Variants in MKI67 observed in about 807,000 individuals in gnomAD.
MKI67 encodes proliferation marker protein Ki-67.
MKI67 carries 152 observed loss-of-function variants against 233.5 expected under a neutral mutation model. That is an observed-to-expected ratio of 0.65 (90% CI 0.57 to 0.74). The LOEUF (loss-of-function observed/expected upper bound fraction) is 0.74, where lower values mean the gene tolerates loss of function less well. Ranked by LOEUF, MKI67 falls within the 30% of genes least tolerant of loss-of-function variation. The pLI, the probability that MKI67 is intolerant of heterozygous loss-of-function variation, is 0.00. For synonymous variants in MKI67, 1,465 were observed against 1,418.5 expected (o/e 1.03, Z -0.74); for missense variants, 3,940 against 3,885.2 (o/e 1.01, Z -0.37).
chr10:128,109,067 T>C lies in MKI67; in HGVS notation c.2773A>G (p.Ile925Val), dbSNP rs1183814154. 3.1e-6 allele frequency: 5 copies of C among 1,614,230 alleles called. No homozygotes were observed. In the Admixed American group the frequency reaches 6.7e-5, roughly 22 times the overall value. ...TTATATGTCTCAAAAGGTCTTTCTA[T>C]TTCCTTCATCTCTCCTTCTCTCCTT... Reference protein sequence around the residue: ...QQRREGEMKEIERPFETYKEN... With the variant: ...QQRREGEMKEVERPFETYKEN... Residue 925 changes from isoleucine to valine, a missense_variant, in exon 13 of 15, where the codon ATA (isoleucine) becomes GTA (valine). Coordinates refer to ENST00000368654, the MANE Select transcript of MKI67 (RefSeq NM_002417.5).
At chr10:128,116,898 C>T (rs115781063) in intron 5 of MKI67, among the ~76,000 whole-genome samples, 1,552 of 152,246 alleles carry the variant, frequency 0.01, 22 homozygotes, top group African/African-American at 0.034. Context: ...TAAAGCGAGA[C>T]TCTGTCTCAA....
Position 128,106,203 on chromosome 10 carries a change from T to G in MKI67, c.5637A>C (p.Arg1879Ser). The G allele has an allele frequency of 6.2e-7, 1 of 1,613,502 alleles. No individual in the cohort carries two copies. The highest frequency in any genetic ancestry group is 8.5e-7 in the Non-Finnish European group (1 of 1,179,908). Residue 1879 changes from arginine (R) to serine (S), a missense_variant, in exon 13 of 15, where the codon AGA becomes AGC. Coordinates refer to ENST00000368654, the MANE Select transcript of MKI67 (RefSeq NM_002417.5). The stretch of plus-strand genomic sequence containing the variant: ...CCTCTACGTCTGCTTTCTTGAGGCT[T>G]CTCTTGGGCCGTTGCTTTGTGTTTG... Reference protein sequence around the residue: ...TPTNTKQRPKRSLKKADVEEE... With the variant: ...TPTNTKQRPKSSLKKADVEEE...
rs747296348 is a variant in MKI67, at chr10:128,113,471, A to G, written c.1612T>C (p.Ser538Pro). 3 of 1,614,086 alleles carry G rather than the reference A, an allele frequency of 1.9e-6. No individual in the cohort carries two copies. Among genetic ancestry groups the G allele is most frequent in the Non-Finnish European group, 2.5e-6 (3 of 1,180,018 alleles). ...ACAGGTGGAGTGTGCATTACCAGAGACTTTCTTTTGGTTGGGGCTTCTCCC... is the reference window on the plus strand; with the variant it reads ...ACAGGTGGAGTGTGCATTACCAGAGGCTTTCTTTTGGTTGGGGCTTCTCCC... Reference protein sequence around the residue: ...KRGEAPTKRKSLVMHTPPVLK... With the variant: ...KRGEAPTKRKPLVMHTPPVLK... Residue 538 changes from serine (S) to proline (P), a missense_variant, in exon 8 of 15, where the codon TCT (serine) becomes CCT (proline). Ser to Pro is a moderately conservative substitution (Grantham distance 74). Transcript: ENST00000368654.
At chr10:128,117,730 C>CAA (rs1252322322) in intron 5 of MKI67, among the ~76,000 whole-genome samples, 1 of 152,192 alleles carries the variant, frequency 6.6e-6, no homozygotes, top group South Asian at 2.1e-4. Context: ...GAACAAGAAT[C>CAA]TTATGACTAA....
At chr10:128,123,061 T>C in intron 3 of MKI67, 30 bp downstream of exon 3, 1 of 1,601,726 alleles carries the variant, frequency 6.2e-7, no homozygotes, top group Non-Finnish European at 8.6e-7. Context: ...TAAAAAGCTT[T>C]AAAAGTAGAT....
intron 12 of MKI67, 80 bp from the exon 13 acceptor site, chr10:128,109,503 T>G (rs982197512): frequency 1.4e-6 from 2 of 1,442,874 alleles, no homozygotes; most frequent in African/African-American, 2.9e-5. Flanking sequence ...TAAAATATGG[T>G]AAAAAACTAA....
Position 128,112,000 on chromosome 10 carries a change from G to A in MKI67, c.2015C>T (p.Thr672Ile). 1 of 1,613,542 alleles carries A rather than the reference G, an allele frequency of 6.2e-7. No individual in the cohort carries two copies. Among genetic ancestry groups the A allele is most frequent in the African/African-American group, 1.3e-5 (1 of 74,986 alleles). Residue 672 changes from threonine to isoleucine, a missense_variant, in exon 10 of 15, where the codon ACA (threonine) becomes ATA (isoleucine). Coordinates refer to ENST00000368654, the MANE Select transcript of MKI67 (RefSeq NM_002417.5). The part of the protein sequence containing the change: ...ADVVKLGAKQ[T>I]QTKVIKHGPQ... ...ACCATGTTTTATGACTTTAGTTTGT[G>A]TTTGTTTTGCACCAAGTTTTACTAC...
In MKI67 at chr10:128,105,313, C is replaced by A; in HGVS notation, c.6527G>T (p.Gly2176Val). Residue 2176 changes from glycine to valine, a missense_variant, in exon 13 of 15, where the codon GGT becomes GTT. By Grantham distance (109) the Gly-to-Val change is moderately radical (BLOSUM62 -3). Transcript: ENST00000368654. ...QKLDPAASVT[G>V]SKRQPRTPKG... Reference sequence around the variant, plus strand: ...AGGAGTTCTTGGCTGCCTCTTGCTACCAGTTACACTTGCTGCTGGGTCCAG... The same window carrying A: ...AGGAGTTCTTGGCTGCCTCTTGCTAACAGTTACACTTGCTGCTGGGTCCAG... 6.2e-7 allele frequency: 1 copy of A among 1,614,126 alleles called. No homozygotes were observed. Among genetic ancestry groups the A allele is most frequent in the African/African-American group, 1.3e-5 (1 of 75,018 alleles).
chr10:128,118,552 A>G (rs1008243605), intron 5 of MKI67, among the ~76,000 whole-genome samples: 4 of 152,116 alleles, frequency 2.6e-5, no homozygotes, highest in African/African-American at 9.7e-5. Flanking sequence ...GAAAAATATG[A>G]ATTCTCAGGG....
At chr10:128,111,441 G>A in intron 11 of MKI67, 1 of 536,814 alleles carries the variant, frequency 1.9e-6, no homozygotes, top group East Asian at 3.1e-5. Context: ...TGCAGGACAT[G>A]TGATCCCAAA....
At chr10:128,116,676 G>A (rs1323670434) in intron 5 of MKI67, 140 bp from the exon 6 acceptor site, 3 of 722,798 alleles carry the variant, frequency 4.2e-6, no homozygotes, top group African/African-American at 3.5e-5. Context: ...GGAGGCCAAG[G>A]TGGGCGGATC....
At position 128,125,650 on chromosome 10, in the gene MKI67, G is replaced by T; in HGVS notation, c.18C>A (p.Arg6=). 1 of 1,613,858 alleles carries T rather than the reference G, an allele frequency of 6.2e-7. No individual in the cohort carries two copies. The highest frequency in any genetic ancestry group is 8.5e-7 in the Non-Finnish European group (1 of 1,179,856). Residue 6 remains arginine (R), a synonymous_variant, in exon 2 of 15, where the codon CGC becomes CGA. Transcript: ENST00000368654. The surrounding 1 kb of genome is among the most constrained non-coding windows in gnomAD (Gnocchi z 5.3). ...CCCCGCTCCTTTTGATAGTAACCAG[G>T]CGTCTCGTGGGCCACATTTTCTAAA... MWPTR[R]LVTIKRSGVD...
At chr10:128,111,308 A>G (rs1369964061) in intron 11 of MKI67, among the ~76,000 whole-genome samples, 1 of 152,242 alleles carries the variant, frequency 6.6e-6, no homozygotes, top group Non-Finnish European at 1.5e-5. Flanking sequence ...CCTGGGATAA[A>G]CTATTATTGT....
At chr10:128,118,689 G>A (rs1184270088) in intron 5 of MKI67, among the ~76,000 whole-genome samples, 1 of 152,180 alleles carries the variant, frequency 6.6e-6, no homozygotes, top group Non-Finnish European at 1.5e-5. Context: ...CGAAGCACGT[G>A]TCGACAATTA....
chr10:128,105,681 T>G lies in MKI67; in HGVS notation c.6159A>C (p.Ala2053=), dbSNP rs1852469375. The change falls in exon 13 of 15, where the codon GCA becomes GCC. Residue 2053 remains alanine, a synonymous_variant. Coordinates refer to ENST00000368654, the MANE Select transcript of MKI67 (RefSeq NM_002417.5). Reference sequence around the variant, plus strand: ...ACCTCTCCATCCCAGTTCCATAGTTTGCTGGGTCCAGCATCTGCTTTGCAG... The same window carrying G: ...ACCTCTCCATCCCAGTTCCATAGTTGGCTGGGTCCAGCATCTGCTTTGCAG... The part of the protein sequence containing the change: ...KESAKQMLDP[A]NYGTGMERWP... The G allele has an allele frequency of 6.2e-7, 1 of 1,613,968 alleles. No homozygotes were observed. Among genetic ancestry groups the G allele is most frequent in the Non-Finnish European group, 8.5e-7 (1 of 1,180,024 alleles).
chr10:128,096,877 G>A lies in MKI67; in HGVS notation c.*2313C>T, dbSNP rs1379459403. 1 of 152,304 alleles carries A rather than the reference G, an allele frequency of 6.6e-6. No individual in the cohort carries two copies. The highest frequency in any genetic ancestry group is 2.4e-5 in the African/African-American group (1 of 41,468). The allele number at this position is 152,304 out of a possible 1,614,324, so 9.4% of individuals were successfully genotyped here. ...CAAACTAAGAACCTGCCCCAGCCTG[G>A]AGGACAGGCATGGGGGTGAGGGAAC... is the stretch of plus-strand genomic sequence containing the variant. On this transcript the variant is annotated 3_prime_UTR_variant, in exon 15 of 15. Coordinates refer to ENST00000368654, the MANE Select transcript of MKI67 (RefSeq NM_002417.5).
In MKI67 at chr10:128,106,754, G is replaced by A; in HGVS notation, c.5086C>T (p.Gln1696Ter). ...SAASLTGSKRQLRTPKGKSEV... is the reference protein window; with the variant it reads ...SAASLTGSKR The stretch of plus-strand genomic sequence containing the variant: ...GACTTTCCCTTAGGAGTTCTCAGCT[G>A]CCTCTTGCTGCCAGTTAGACTTGCT... Residue 1696 changes from glutamine to a stop codon, truncating the protein, a stop_gained, in exon 13 of 15, where the codon CAG (glutamine) becomes TAG (stop). Transcript: ENST00000368654. LOFTEE classifies it high-confidence loss of function. 2 of 1,614,100 alleles carry A rather than the reference G, an allele frequency of 1.2e-6. No individual in the cohort carries two copies. The highest frequency in any genetic ancestry group is 1.7e-6 in the Non-Finnish European group (2 of 1,180,016).
At position 128,125,449 on chromosome 10, in the gene MKI67, T is replaced by G; in HGVS notation, c.92+127A>C. On this transcript the variant is annotated intron_variant, in intron 2 of 14. Transcript: ENST00000368654. The surrounding 1 kb of genome is among the most constrained non-coding windows in gnomAD (Gnocchi z 5.3). ...ACAACTATGTCAACTTAGTAACGAA[T>G]GGGAGAAGCACCAAGGAAAAGTGAC... 1 of 748,468 alleles carries G rather than the reference T, an allele frequency of 1.3e-6. No individual in the cohort carries two copies. Among genetic ancestry groups the G allele is most frequent in the East Asian group, 2.5e-5 (1 of 40,454 alleles). The allele number at this position is 748,468 out of a possible 1,614,324, so 46.4% of individuals were successfully genotyped here. A position where few individuals can be genotyped will look rare whatever the true frequency, so the allele number is the denominator to read the frequency against.
In MKI67 at chr10:128,107,323, C is replaced by A. The variant is rs774394550; in HGVS notation, c.4517G>T (p.Ser1506Ile). 3.1e-6 allele frequency: 5 copies of A among 1,614,036 alleles called. No homozygotes were observed. In the South Asian group the frequency reaches 4.4e-5, roughly 14 times the overall value. The change falls in exon 13 of 15, where the codon AGC (serine) becomes ATC (isoleucine). Residue 1506 changes from serine (S) to isoleucine (I), a missense_variant. Coordinates refer to ENST00000368654, the MANE Select transcript of MKI67 (RefSeq NM_002417.5). The stretch of plus-strand genomic sequence containing the variant: ...ACTTCTCTTGGACTGTGGCTTGGAG[C>A]TTGTTGGTGTGTCCACTGGGTCTGG... ...SQPDPVDTPT[S>I]SKPQSKRSLR...
Sources: allele counts gnomAD v4.1 joint callset (sites outside exome capture counted in the v4.1 genomes callset), GRCh38; gene constraint gnomAD v4.1.1; non-coding constraint Gnocchi (gnomAD v3.1); transcripts MANE v1.5; gene names NCBI Gene and HGNC (gene_info 2026-07-23, HGNC 2026-07-21).